Variants in CENPP observed in about 807,000 individuals in gnomAD.
CENPP encodes the protein centromere protein P.
A neutral mutation model predicts 35.6 loss-of-function variants in CENPP; 24 were observed. That is an observed-to-expected ratio of 0.67 (90% CI 0.49 to 0.95). The LOEUF is 0.95. Among genes scored for constraint, CENPP ranks in the 40% least tolerant of loss-of-function variants. The pLI, the probability that CENPP is intolerant of heterozygous loss-of-function variation, is 0.00. For missense variants in CENPP, 332 were observed against 345.3 expected (o/e 0.96, Z 0.31); for synonymous variants, 120 against 125.5 (o/e 0.96, Z 0.29).
intron 5 of CENPP, among the ~76,000 whole-genome samples, chr9:92,559,889 G>T (rs965930244): frequency 1.3e-5 from 2 of 152,196 alleles, no homozygotes; most frequent in African/African-American, 4.8e-5. Context: ...TCTGGGCCTG[G>T]TGCAATGGCT....
intron 5 of CENPP, among the ~76,000 whole-genome samples, chr9:92,444,347 TTGGG>T (rs1844497310): frequency 6.6e-6 from 1 of 152,176 alleles, no homozygotes; most frequent in Non-Finnish European, 1.5e-5. Context: ...CATTTTTAAA[TTGGG>T]GTTTTTAAGT....
chr9:92,601,373 C>T (rs1301770848), intron 5 of CENPP, among the ~76,000 whole-genome samples: 5 of 152,280 alleles, frequency 3.3e-5, no homozygotes, highest in Middle Eastern at 6.8e-3. Flanking sequence ...GGACTCTCTT[C>T]TGCTAGGTGT....
At chr9:92,415,723 T>A (rs1422989079) in intron 5 of CENPP, among the ~76,000 whole-genome samples, 1 of 149,146 alleles carries the variant, frequency 6.7e-6, no homozygotes, top group African/African-American at 2.4e-5. Context: ...AGTAGAACAA[T>A]CTCAAAAAAA....
rs1851563148 is a variant in CENPP at position 92,619,683 on chromosome 9, G to A, written c.*6534G>A. On this transcript the variant is annotated 3_prime_UTR_variant, in exon 8 of 8. Transcript: ENST00000375587. The stretch of plus-strand genomic sequence containing the variant: ...CTTCCTGCCTCAGAACCTGAGGGTG[G>A]GATTAGGAGCGAGGGCCACGGTGAG... 2 of 947,656 alleles carry A rather than the reference G, an allele frequency of 2.1e-6. No individual in the cohort carries two copies. Among genetic ancestry groups the A allele is most frequent in the Admixed American group, 2.0e-5 (1 of 49,258 alleles). 58.7% of individuals were successfully genotyped at this position (947,656 alleles called of 1,614,324 possible).
chr9:92,501,034 G>C (rs575737141), intron 5 of CENPP: 7 of 1,612,758 alleles, frequency 4.3e-6, no homozygotes, highest in East Asian at 2.2e-5. Context: ...TTGTAGGAGA[G>C]ATCAATGGAT....
chr9:92,396,575 T>G (rs940911441), intron 5 of CENPP, among the ~76,000 whole-genome samples: 1 of 151,936 alleles, frequency 6.6e-6, no homozygotes, highest in Non-Finnish European at 1.5e-5. Context: ...TTTATTTTTT[T>G]TTTTTTGAGA....
intron 5 of CENPP, among the ~76,000 whole-genome samples, chr9:92,509,489 G>A (rs1016679140): frequency 3.3e-5 from 5 of 152,192 alleles, no homozygotes; most frequent in African/African-American, 1.2e-4. Context: ...TTGACCATCA[G>A]AGTGATAAAG....
intron 4 of CENPP, among the ~76,000 whole-genome samples, chr9:92,375,357 A>G (rs1842101045): frequency 6.6e-6 from 1 of 151,950 alleles, no homozygotes; most frequent in Admixed American, 6.6e-5. Context: ...CAGTGCCGCA[A>G]TCTCAGTTCG....
chr9:92,565,898 AAAT>A (rs775451041), intron 5 of CENPP, among the ~76,000 whole-genome samples: 31 of 152,220 alleles, frequency 2.0e-4, no homozygotes, highest in Non-Finnish European at 4.0e-4. Context: ...AGTAAAATAA[AAAT>A]AATAATAATA....
chr9:92,355,081 A>T (rs1336263628), intron 4 of CENPP, among the ~76,000 whole-genome samples: 1 of 152,224 alleles, frequency 6.6e-6, no homozygotes, highest in Non-Finnish European at 1.5e-5. Context: ...AGCGGTGCAC[A>T]TATTGTCTTG....
At chr9:92,430,091 C>T (rs1844066528) in intron 5 of CENPP, among the ~76,000 whole-genome samples, 1 of 152,128 alleles carries the variant, frequency 6.6e-6, no homozygotes, top group African/African-American at 2.4e-5. Context: ...GCTGTTAAAT[C>T]CTCCGCATAC....
chr9:92,522,054 G>A (rs1237093368), intron 5 of CENPP, among the ~76,000 whole-genome samples: 2 of 151,960 alleles, frequency 1.3e-5, no homozygotes, highest in Non-Finnish European at 1.5e-5. Context: ...GTTGTTTTTG[G>A]TTTTTTGGGG....
chr9:92,550,082 G>A (rs1849556066), intron 5 of CENPP, among the ~76,000 whole-genome samples: 1 of 152,186 alleles, frequency 6.6e-6, no homozygotes, highest in Admixed American at 6.5e-5. Flanking sequence ...GTCTAGAAGT[G>A]GAAACAAACT....
intron 5 of CENPP, chr9:92,415,367 A>T (rs779760317): frequency 1.9e-6 from 3 of 1,613,434 alleles, no homozygotes; most frequent in Non-Finnish European, 1.7e-6. Context: ...AAGCAGAAGA[A>T]GATGTATGAG....
chr9:92,488,178 C>T (rs1588173384), intron 5 of CENPP, among the ~76,000 whole-genome samples: 1 of 152,134 alleles, frequency 6.6e-6, no homozygotes, highest in East Asian at 1.9e-4. Flanking sequence ...CTGTATTATT[C>T]ATTGGTGAAT....
rs1199133363 is a variant in CENPP, at chr9:92,593,466, C to T, written c.565-17848C>T. On this transcript the variant is annotated intron_variant, in intron 5 of 7. Transcript: ENST00000375587. The surrounding 1 kb of genome is among the most constrained non-coding windows in gnomAD (Gnocchi z 4.1). ...TTAGGACAGCAAAGGATTTTCTTTC[C>T]TTCTGCCCTCATTTCCCCTAATTCA... 6.6e-6 allele frequency among the ~76,000 whole-genome samples: 1 copy of T among 152,178 alleles called. No individual in the cohort carries two copies. Among genetic ancestry groups the T allele is most frequent in the Non-Finnish European group, 1.5e-5 (1 of 68,032 alleles).
chr9:92,606,662 T>G (rs1851089980), intron 5 of CENPP, among the ~76,000 whole-genome samples: 1 of 152,206 alleles, frequency 6.6e-6, no homozygotes, highest in African/African-American at 2.4e-5. Context: ...TCCCAACACT[T>G]TGGGAGGCCA....
chr9:92,453,630 A>T (rs545978762), intron 5 of CENPP, among the ~76,000 whole-genome samples: 3 of 152,232 alleles, frequency 2.0e-5, no homozygotes, highest in African/African-American at 7.2e-5. Flanking sequence ...AGACTCCCAC[A>T]CAATAATAAT....
At chr9:92,509,811 A>T in intron 5 of CENPP, 1 of 1,338,852 alleles carries the variant, frequency 7.5e-7, no homozygotes, top group Non-Finnish European at 1.0e-6. Flanking sequence ...CTATTTATTC[A>T]TTTGGCAATA....
Sources: allele counts gnomAD v4.1 joint callset (sites outside exome capture counted in the v4.1 genomes callset), GRCh38; gene constraint gnomAD v4.1.1; non-coding constraint Gnocchi (gnomAD v3.1); transcripts MANE v1.5; gene names NCBI Gene and HGNC (gene_info 2026-07-23, HGNC 2026-07-21).